The following BMP2K variants were observed in gnomAD, a reference collection of about 807,000 sequenced individuals.
The protein encoded by BMP2K is BMP-2-inducible protein kinase.
BMP2K carries 74 observed loss-of-function variants against 116.0 expected under a neutral mutation model. The ratio of observed to expected loss-of-function variants is 0.64; its 90% CI spans 0.53 to 0.77. The LOEUF is 0.77. Among genes scored for constraint, BMP2K ranks in the 30% least tolerant of loss-of-function variants. The pLI, the probability that BMP2K is intolerant of heterozygous loss-of-function variation, is 0.00. For missense variants in BMP2K, 1,365 were observed against 1,403.6 expected, an observed-to-expected ratio of 0.97 and a Z score of 0.44; for synonymous variants, 486 against 502.5, an observed-to-expected ratio of 0.97 and a Z score of 0.44.
chr4:78,859,718 T>G (rs755210386), intron 8 of BMP2K, 31 bp downstream of exon 8: 2 of 1,413,346 alleles, frequency 1.4e-6, no homozygotes, highest in Admixed American at 3.7e-5. Context: ...GATATGAATT[T>G]AAAATTCATT....
At position 78,913,239 on chromosome 4, in the gene BMP2K, AATATAC is replaced by A. The variant is rs1187606314; in HGVS notation, c.*1207_*1212del. ...ATCCTGCTGCAAGTACCTCTGCACTAATATACCAGATCCTAAAATGCATATAAGGTG... is the reference window on the plus strand; with the variant it reads ...ATCCTGCTGCAAGTACCTCTGCACTACAGATCCTAAAATGCATATAAGGTG... On this transcript the variant is annotated 3_prime_UTR_variant, in exon 16 of 16. Coordinates refer to ENST00000502613, the MANE Select transcript of BMP2K (RefSeq NM_198892.2). 3.9e-5 allele frequency: 6 copies of A among 152,252 alleles called. No homozygotes were observed. The East Asian group carries it at 1.2e-3, about 29-fold the overall frequency. 9.4% of individuals were successfully genotyped at this position (152,252 alleles called of 1,614,324 possible). A position where few individuals can be genotyped will look rare whatever the true frequency, so the allele number is the denominator to read the frequency against.
At chr4:78,784,651 A>T (rs976684836) in intron 1 of BMP2K, among the ~76,000 whole-genome samples, 31 of 152,032 alleles carry the variant, frequency 2.0e-4, no homozygotes, top group Non-Finnish European at 4.4e-4. Flanking sequence ...AATTGCAGTA[A>T]CATTAGAGGC....
intron 1 of BMP2K, among the ~76,000 whole-genome samples, chr4:78,816,193 A>G (rs1729343580): frequency 6.6e-6 from 1 of 152,062 alleles, no homozygotes; most frequent in Non-Finnish European, 1.5e-5. Flanking sequence ...AGGTTTTTTC[A>G]GGCTAAAGGT....
chr4:78,887,318 A>C (rs765271891), intron 15 of BMP2K, 34 bp downstream of exon 15: 12 of 1,440,880 alleles, frequency 8.3e-6, no homozygotes, highest in Admixed American at 5.6e-5. Context: ...CACTGTCACA[A>C]ATAAAACACA....
chr4:78,835,106 T>G (rs902405570), intron 3 of BMP2K, among the ~76,000 whole-genome samples: 1 of 152,218 alleles, frequency 6.6e-6, no homozygotes, highest in African/African-American at 2.4e-5. Context: ...TGGATTAATT[T>G]AATTGTCACT....
intron 1 of BMP2K, among the ~76,000 whole-genome samples, chr4:78,779,027 A>G (rs1166281709): frequency 6.6e-6 from 1 of 152,206 alleles, no homozygotes; most frequent in African/African-American, 2.4e-5. Flanking sequence ...TCCTGCAAAC[A>G]TTGGTAGTTT....
rs60388137 is a variant in BMP2K at position 78,912,605 on chromosome 4, ACT to A, written c.*575_*576del. 10,352 of 152,182 alleles carry A rather than the reference ACT, an allele frequency of 0.068. 460 individuals carry two copies. Among genetic ancestry groups the A allele is most frequent in the East Asian group, 0.21 (1,101 of 5,172 alleles). The allele number at this position is 152,182 out of a possible 1,614,324, so 9.4% of individuals were successfully genotyped here. On this transcript the variant is annotated 3_prime_UTR_variant, in exon 16 of 16. Coordinates refer to ENST00000502613, the MANE Select transcript of BMP2K (RefSeq NM_198892.2). ...GAAGTAACTGACTATTGTGCCTAAA[ACT>A]CTGTTTCATTTTTAAAAACAAGTGC...
intron 13 of BMP2K, among the ~76,000 whole-genome samples, chr4:78,874,423 T>A (rs1231423615): frequency 1.3e-5 from 2 of 152,188 alleles, no homozygotes; most frequent in African/African-American, 4.8e-5. Context: ...CCCCTAGTGA[T>A]AAGAATGGAA....
Position 78,914,669 on chromosome 4 carries a change from A to G in BMP2K, c.*2636A>G, listed in dbSNP as rs1734890413. The G allele has an allele frequency of 1.3e-5, 2 of 151,048 alleles. No individual in the cohort carries two copies. The highest frequency in any genetic ancestry group is 4.2e-4 in the South Asian group (2 of 4,782). The allele number at this position is 151,048 out of a possible 1,614,324, so 9.4% of individuals were successfully genotyped here. On this transcript the variant is annotated 3_prime_UTR_variant, in exon 16 of 16. Coordinates refer to ENST00000502613, the MANE Select transcript of BMP2K (RefSeq NM_198892.2). ...TTTGGCTCTATTATGGGATGGTTCA[A>G]TTCTGGTTTAAGGAAGGAAGAAAGG...
intron 1 of BMP2K, among the ~76,000 whole-genome samples, chr4:78,803,617 GA>G (rs925727116): frequency 3.3e-5 from 5 of 152,214 alleles, no homozygotes; most frequent in African/African-American, 1.2e-4. Context: ...GGCTTCCAGT[GA>G]TCCACCCACC....
Position 78,847,203 on chromosome 4 carries a change from A to G in BMP2K, c.684A>G (p.Ser228=). 1 of 1,576,142 alleles carries G rather than the reference A, an allele frequency of 6.3e-7. No individual in the cohort carries two copies. Among genetic ancestry groups the G allele is most frequent in the Non-Finnish European group, 8.6e-7 (1 of 1,159,350 alleles). The change falls in exon 6 of 16, where the codon TCA becomes TCG. Residue 228 remains serine, a synonymous_variant. Transcript: ENST00000502613. ...TTACTGCCAGGTATACAACTCTGTC[A>G]TACAGAGCCCCTGAAATGATCAACC... ...EEEIKKYTTL[S]YRAPEMINLY... is the part of the protein sequence containing the mutation.
At chr4:78,824,440 C>T (rs1287982430) in intron 1 of BMP2K, among the ~76,000 whole-genome samples, 2 of 152,136 alleles carry the variant, frequency 1.3e-5, no homozygotes, top group Admixed American at 6.5e-5. Context: ...GGCAAGAGAG[C>T]TTATGCAGGG....
Position 78,826,106 on chromosome 4 carries a change from T to A in BMP2K, c.248T>A (p.Val83Asp). 1 of 1,614,206 alleles carries A rather than the reference T, an allele frequency of 6.2e-7. No homozygotes were observed. The highest frequency in any genetic ancestry group is 8.5e-7 in the Non-Finnish European group (1 of 1,180,000). ...GIRCALKRMY[V>D]NNMPDLNVCK... ...CGATGTGCATTGAAGCGAATGTATG[T>A]CAATAACATGCCAGACCTCAATGTT... is the stretch of plus-strand genomic sequence containing the variant. The change falls in exon 2 of 16, where the codon GTC becomes GAC. Residue 83 changes from valine to aspartate, a missense_variant. Val to Asp is a radical substitution (Grantham distance 152, BLOSUM62 -3). This residue lies in a region of BMP2K where 762 missense variants were observed against 756.7 expected (regional missense o/e 1.01). Transcript: ENST00000502613.
intron 15 of BMP2K, among the ~76,000 whole-genome samples, chr4:78,902,286 A>G (rs1246498727): frequency 1.3e-5 from 2 of 152,160 alleles, no homozygotes; most frequent in Non-Finnish European, 2.9e-5. Context: ...GCATTAACCT[A>G]TTTTAAAGAA....
rs143349812 is a variant in BMP2K at position 78,851,435 on chromosome 4, A to C, written c.883+379A>C. 1.1e-3 allele frequency among the ~76,000 whole-genome samples: 166 copies of C among 152,222 alleles called. 1 individual carries two copies. The highest frequency in any genetic ancestry group is 3.8e-3 in the African/African-American group (159 of 41,568). ...TTAACTTTTTATATATCTACAAGGC[A>C]AAATTTATTAAAAAGATTTGAGGAG... is the stretch of plus-strand genomic sequence containing the variant. On this transcript the variant is annotated intron_variant, in intron 7 of 15. Transcript: ENST00000502613.
At chr4:78,830,083 C>T (rs1214095810) in intron 2 of BMP2K, among the ~76,000 whole-genome samples, 1 of 151,886 alleles carries the variant, frequency 6.6e-6, no homozygotes, top group Non-Finnish European at 1.5e-5. Flanking sequence ...CACCATGTTG[C>T]CCAGGCTGGT....
intron 15 of BMP2K, among the ~76,000 whole-genome samples, chr4:78,899,685 A>G (rs1414321251): frequency 6.6e-6 from 1 of 151,842 alleles, no homozygotes; most frequent in African/African-American, 2.4e-5. Flanking sequence ...AGGATTGAGC[A>G]TATCTTTTGA....
chr4:78,878,466 G>T (rs895094492), intron 13 of BMP2K, among the ~76,000 whole-genome samples: 3 of 152,148 alleles, frequency 2.0e-5, no homozygotes, highest in Admixed American at 2.0e-4. Flanking sequence ...TACAGATGAA[G>T]TTGAGGCAGA....
At chr4:78,888,381 T>C (rs1003913949) in intron 15 of BMP2K, among the ~76,000 whole-genome samples, 1 of 152,188 alleles carries the variant, frequency 6.6e-6, no homozygotes, top group African/African-American at 2.4e-5. Flanking sequence ...TATTACTGTC[T>C]AAAATTATAA....
Sources: gnomAD v4.1 joint callset for allele counts (sites outside exome capture counted in the v4.1 genomes callset) on GRCh38, gnomAD v4.1.1 for gene constraint, gnomAD v4.1.1 regional missense constraint, MANE v1.5 for transcripts, NCBI Gene and HGNC (gene_info 2026-07-23, HGNC 2026-07-21) for gene names.